Variants in KLRC2 observed in about 807,000 individuals in gnomAD.
KLRC2 encodes NKG2-C type II integral membrane protein.
A neutral mutation model predicts 25.5 loss-of-function variants in KLRC2; 10 were observed. The observed-to-expected ratio is 0.39, with a 90% CI of 0.24 to 0.67. The LOEUF (loss-of-function observed/expected upper bound fraction) is 0.67. Among genes scored for constraint, KLRC2 ranks in the 30% least tolerant of loss-of-function variants. The pLI, the probability that KLRC2 is intolerant of heterozygous loss-of-function variation, is 0.45. For synonymous variants in KLRC2, 48 were observed against 93.3 expected (o/e 0.51, Z 2.80); for missense variants, 170 against 272.8 (o/e 0.62, Z 2.65).
At chr12:10,434,737 T>C (rs1863852380) in intron 2 of KLRC2, among the ~76,000 whole-genome samples, 2 of 151,862 alleles carry the variant, frequency 1.3e-5, no homozygotes, top group African/African-American at 4.8e-5. Context: ...CACCATCTCT[T>C]GTAGTATTTG....
rs372502135 is a variant in KLRC2 at position 10,432,621 on chromosome 12, C to T, written c.484-415G>A. The stretch of plus-strand genomic sequence containing the variant: ...AGATTGGGTTTTCTGGGTACCACAC[C>T]ATTCTTTAACTAGATAAGCCCTCAA... On this transcript the variant is annotated intron_variant, in intron 4 of 5. Coordinates refer to ENST00000381902, the MANE Select transcript of KLRC2 (RefSeq NM_002260.4). Among the ~76,000 whole-genome samples, 9 of 139,206 alleles carry T rather than the reference C, an allele frequency of 6.5e-5. 1 individual carries two copies. The highest frequency in any genetic ancestry group is 2.5e-4 in the African/African-American group (9 of 36,300). The allele number at this position is 139,206 out of a possible 152,430, so 91.3% of individuals were successfully genotyped here. A position where few individuals can be genotyped will look rare whatever the true frequency, so the allele number is the denominator to read the frequency against.
intron 5 of KLRC2, 88 bp from the exon 6 acceptor site, chr12:10,431,316 A>G (rs756020272): frequency 1.4e-6 from 2 of 1,447,716 alleles, no homozygotes; most frequent in Non-Finnish European, 1.9e-6. Flanking sequence ...TAAGAAAAGA[A>G]TTTCATGGAA....
intron 4 of KLRC2, among the ~76,000 whole-genome samples, chr12:10,432,823 G>GTTGATCCCAA (rs1863829592): frequency 1.5e-5 from 2 of 134,934 alleles, no homozygotes; most frequent in Non-Finnish European, 3.2e-5. Flanking sequence ...TGGGACCCTA[G>GTTGATCCCAA]CATCAGGGAT....
At chr12:10,432,078 T>C in intron 5 of KLRC2, 28 bp downstream of exon 5, 1 of 1,407,754 alleles carries the variant, frequency 7.1e-7, no homozygotes, top group Non-Finnish European at 9.7e-7. Context: ...TATATATTTT[T>C]TATATAGCGC....
In KLRC2 at chr12:10,432,087, G is replaced by A. The variant is rs372163571; in HGVS notation, c.584+19C>T. ...CCTTTATATATATTTTTTATATAGC[G>A]CCATACAAAAGAACTTACTTATGTT... On this transcript the variant is annotated intron_variant, in intron 5 of 5. Coordinates refer to ENST00000381902, the MANE Select transcript of KLRC2 (RefSeq NM_002260.4). 66 of 1,448,980 alleles carry A rather than the reference G, an allele frequency of 4.6e-5. 10 individuals are homozygous for A. Among genetic ancestry groups the A allele is most frequent in the South Asian group, 2.2e-4 (18 of 83,470 alleles). The allele number at this position is 1,448,980 out of a possible 1,614,324, so 89.8% of individuals were successfully genotyped here. A position where few individuals can be genotyped will look rare whatever the true frequency, so the allele number is the denominator to read the frequency against.
At chr12:10,435,166 T>A (rs1863856470) in intron 2 of KLRC2, 146 bp downstream of exon 2, 1 of 1,285,720 alleles carries the variant, frequency 7.8e-7, no homozygotes, top group Non-Finnish European at 1.1e-6. Context: ...TAAAATTAAC[T>A]TTTTCTATAA....
At chr12:10,432,873 G>A (rs1479511055) in intron 4 of KLRC2, among the ~76,000 whole-genome samples, 3 of 137,252 alleles carry the variant, frequency 2.2e-5, no homozygotes, top group Non-Finnish European at 3.2e-5. Context: ...TCCTCCACAC[G>A]ACAGAAGAAG....
rs1338051211 is a variant in KLRC2, at chr12:10,433,062, G to A, written c.483+729C>T. 1.4e-5 allele frequency among the ~76,000 whole-genome samples: 2 copies of A among 141,274 alleles called. 1 individual carries two copies. The highest frequency in any genetic ancestry group is 3.1e-5 in the Non-Finnish European group (2 of 64,586). 92.7% of individuals were successfully genotyped at this position (141,274 alleles called of 152,430 possible). On this transcript the variant is annotated intron_variant, in intron 4 of 5. Transcript: ENST00000381902. ...TTCCTTCTCATACCAAGAGACACCA[G>A]GATGGCTGTGGATGAGGAGGATCAG...
In KLRC2 at chr12:10,433,734, A is replaced by G. The variant is rs1404288677; in HGVS notation, c.483+57T>C. The G allele has an allele frequency of 2.4e-5, 35 of 1,471,520 alleles. 9 individuals carry two copies. In the African/African-American group the frequency reaches 5.0e-4, roughly 21 times the overall value. The allele number at this position is 1,471,520 out of a possible 1,614,324, so 91.2% of individuals were successfully genotyped here. A position where few individuals can be genotyped will look rare whatever the true frequency, so the allele number is the denominator to read the frequency against. ...ACACACATATGGATGTTTTCTACAA[A>G]TGTATTATTCACTGAAGGAAGCTTT... On this transcript the variant is annotated intron_variant, in intron 4 of 5. Transcript: ENST00000381902.
Position 10,431,093 on chromosome 12 carries a change from A to C in KLRC2, c.*24T>G, listed in dbSNP as rs781707301. 2 of 1,377,100 alleles carry C rather than the reference A, an allele frequency of 1.5e-6. No homozygotes were observed. The highest frequency in any genetic ancestry group is 1.0e-6 in the Non-Finnish European group (1 of 986,960). The allele number at this position is 1,377,100 out of a possible 1,614,324, so 85.3% of individuals were successfully genotyped here. A position where few individuals can be genotyped will look rare whatever the true frequency, so the allele number is the denominator to read the frequency against. On this transcript the variant is annotated 3_prime_UTR_variant, in exon 6 of 6. Transcript: ENST00000381902. Reference sequence around the variant, plus strand: ...AAGAAATATAAAATGTATCTGATGCACTGCAAACGCAAATGCTTTACTTCT... The same window carrying C: ...AAGAAATATAAAATGTATCTGATGCCCTGCAAACGCAAATGCTTTACTTCT...
intron 5 of KLRC2, 81 bp downstream of exon 5, chr12:10,432,025 C>A (rs1466743821): frequency 2.7e-6 from 3 of 1,115,100 alleles, no homozygotes; most frequent in Non-Finnish European, 3.8e-6. Context: ...GTCAATGATT[C>A]CACATAAATT....
chr12:10,435,577 C>T (rs573504609), intron 1 of KLRC2, among the ~76,000 whole-genome samples, 167 bp from the exon 2 acceptor site: 2 of 144,610 alleles, frequency 1.4e-5, no homozygotes, highest in East Asian at 4.1e-4. Context: ...TCAGAATATA[C>T]CATTTCATTT....
intron 2 of KLRC2, among the ~76,000 whole-genome samples, 167 bp from the exon 3 acceptor site, chr12:10,434,697 A>C (rs1369322570): frequency 6.9e-6 from 1 of 145,630 alleles, no homozygotes; most frequent in East Asian, 2.0e-4. Flanking sequence ...CCTTTGAAAT[A>C]AACATTTTTA....
At chr12:10,432,228 T>G in intron 4 of KLRC2, 22 bp from the exon 5 acceptor site, 4 of 1,277,846 alleles carry the variant, frequency 3.1e-6, no homozygotes, top group Non-Finnish European at 4.3e-6. Context: ...GAAATAATTT[T>G]CACTTAAATA....
intron 5 of KLRC2, 44 bp from the exon 6 acceptor site, chr12:10,431,272 T>A: frequency 1.3e-6 from 2 of 1,514,368 alleles, no homozygotes; most frequent in Non-Finnish European, 1.8e-6. Flanking sequence ...TTTAAGCAAA[T>A]GATTCATGAG....
Position 10,434,637 on chromosome 12 carries a change from G to A in KLRC2, c.287-107C>T, listed in dbSNP as rs191360817. 766 of 774,902 alleles carry A rather than the reference G, an allele frequency of 9.9e-4. No individual in the cohort carries two copies. In the African/African-American group the frequency reaches 0.013, roughly 13 times the overall value. 48.0% of individuals were successfully genotyped at this position (774,902 alleles called of 1,614,324 possible). ...CTTTGTGTGTTATTTAAAATGGGGA[G>A]AATCTTTAATAAAATTAACTTTTTC... On this transcript the variant is annotated intron_variant, in intron 2 of 5. Transcript: ENST00000381902.
chr12:10,433,723 GT>G (rs1470728881), intron 4 of KLRC2, 67 bp downstream of exon 4: 1 of 1,431,016 alleles, frequency 7.0e-7, no homozygotes, highest in Non-Finnish European at 9.6e-7. Flanking sequence ...ACATATGGAT[GT>G]TTTCTACAAA....
At chr12:10,434,088 A>G in intron 3 of KLRC2, 146 bp from the exon 4 acceptor site, 1 of 1,250,618 alleles carries the variant, frequency 8.0e-7, no homozygotes, top group Non-Finnish European at 1.1e-6. Context: ...TTAATAACTG[A>G]GTCAGTCATA....
chr12:10,431,514 T>C (rs1863814923), intron 5 of KLRC2, among the ~76,000 whole-genome samples: 1 of 141,942 alleles, frequency 7.0e-6, no homozygotes, highest in Non-Finnish European at 1.5e-5. Flanking sequence ...AAGTTTAATT[T>C]ATAAATTAGG....
Sources: gnomAD v4.1 joint callset for allele counts (sites outside exome capture counted in the v4.1 genomes callset) on GRCh38, gnomAD v4.1.1 for gene constraint, MANE v1.5 for transcripts, NCBI Gene and HGNC (gene_info 2026-07-23, HGNC 2026-07-21) for gene names.